Variants in RHBDD1 observed in about 807,000 individuals in gnomAD.
The protein encoded by RHBDD1 is rhomboid domain containing 1.
A neutral mutation model predicts 36.3 loss-of-function variants in RHBDD1; 38 were observed. The ratio of observed to expected loss-of-function variants is 1.05; its 90% CI spans 0.81 to 1.37. RHBDD1 has a LOEUF of 1.37. Ranked by LOEUF, RHBDD1 falls within the 40% of genes most tolerant of loss-of-function variation. The probability of loss-of-function intolerance (pLI) is 0.00; values close to 1 mark genes in which losing one functional copy is unlikely to be tolerated. For synonymous variants in RHBDD1, 151 were observed against 136.5 expected (o/e 1.11, Z -0.74); for missense variants, 393 against 377.6 (o/e 1.04, Z -0.34).
intron 5 of RHBDD1, among the ~76,000 whole-genome samples, chr2:226,867,850 C>G (rs976443891): frequency 3.3e-5 from 5 of 152,032 alleles, no homozygotes; most frequent in East Asian, 3.9e-4. Context: ...TCCCAAGTAG[C>G]TGGGATTACA....
intron 3 of RHBDD1, among the ~76,000 whole-genome samples, chr2:226,859,894 G>A (rs2125170722): frequency 6.6e-6 from 1 of 152,310 alleles, no homozygotes; most frequent in East Asian, 1.9e-4. Context: ...AATAGTTAGT[G>A]GCTATCAGAG....
intron 5 of RHBDD1, among the ~76,000 whole-genome samples, chr2:226,882,248 G>C (rs1945805090): frequency 6.6e-6 from 1 of 151,922 alleles, no homozygotes; most frequent in African/African-American, 2.4e-5. Context: ...TGGCCAACAT[G>C]GTGAAACCCC....
chr2:226,858,057 A>T (rs7560295), intron 3 of RHBDD1, among the ~76,000 whole-genome samples: 25,928 of 152,078 alleles, frequency 0.17, 3,363 homozygotes, highest in African/African-American at 0.36. Flanking sequence ...GATTTTTCAC[A>T]CACAAAAAAT....
At chr2:226,938,102 C>G (rs915682324) in intron 8 of RHBDD1, among the ~76,000 whole-genome samples, 1 of 152,050 alleles carries the variant, frequency 6.6e-6, no homozygotes, top group Admixed American at 6.6e-5. Context: ...TCGCCGGCAG[C>G]TGTTATTTTT....
chr2:226,922,094 CCTT>C (rs1949352777), intron 8 of RHBDD1, among the ~76,000 whole-genome samples: 1 of 151,632 alleles, frequency 6.6e-6, no homozygotes, highest in African/African-American at 2.4e-5. Context: ...AATATAATTA[CCTT>C]CTTTGTCTCT....
intron 8 of RHBDD1, among the ~76,000 whole-genome samples, chr2:226,915,017 C>T (rs1240610506): frequency 6.6e-6 from 1 of 152,044 alleles, no homozygotes; most frequent in Non-Finnish European, 1.5e-5. Context: ...GTTTCATGTA[C>T]AATGGTAGGT....
At chr2:226,980,083 G>T (rs1242677250) in intron 8 of RHBDD1, among the ~76,000 whole-genome samples, 1 of 152,190 alleles carries the variant, frequency 6.6e-6, no homozygotes, top group Non-Finnish European at 1.5e-5. Context: ...AGCCTGGAAA[G>T]GGGGTCATTA....
chr2:226,986,946 G>C (rs112588077), intron 8 of RHBDD1, among the ~76,000 whole-genome samples: 1 of 152,174 alleles, frequency 6.6e-6, no homozygotes, highest in African/African-American at 2.4e-5. Context: ...ATCAGTGATC[G>C]ACTGGATAAA....
upstream of RHBDD1, among the ~76,000 whole-genome samples, chr2:226,832,616 T>C (rs1028964760): frequency 6.6e-6 from 1 of 152,254 alleles, no homozygotes; most frequent in African/African-American, 2.4e-5. Flanking sequence ...TCAATCATTT[T>C]TGCTTCATGA....
At chr2:226,802,959 C>T in the RHBDD1 span, among the ~76,000 whole-genome samples, 1 of 152,176 alleles carries the variant, frequency 6.6e-6, no homozygotes, top group Admixed American at 6.5e-5. Context: ...TTACATATAT[C>T]TGTAAAGTGC....
intron 1 of RHBDD1, among the ~76,000 whole-genome samples, chr2:226,836,618 G>A (rs543168140): frequency 1.3e-5 from 2 of 152,266 alleles, no homozygotes; most frequent in East Asian, 3.9e-4. Context: ...ACAAGAAACG[G>A]ATCACAGCCT....
chr2:226,815,538 G>T, the RHBDD1 span, among the ~76,000 whole-genome samples: 2 of 152,066 alleles, frequency 1.3e-5, no homozygotes, highest in Non-Finnish European at 1.5e-5. Flanking sequence ...TAATATAAAA[G>T]TATTTTAGAC....
At chr2:226,818,163 T>G in the RHBDD1 span, among the ~76,000 whole-genome samples, 3 of 141,610 alleles carry the variant, frequency 2.1e-5, no homozygotes, top group Admixed American at 7.0e-5. Flanking sequence ...TTTTTTTTTT[T>G]TTTTTTTTTT....
intron 8 of RHBDD1, among the ~76,000 whole-genome samples, chr2:226,933,888 A>T (rs1486486145): frequency 6.6e-6 from 1 of 152,142 alleles, no homozygotes; most frequent in Non-Finnish European, 1.5e-5. Flanking sequence ...TTACATAAAG[A>T]GGATTTTTCC....
intron 3 of RHBDD1, among the ~76,000 whole-genome samples, chr2:226,845,314 T>C (rs1469697112): frequency 1.3e-5 from 2 of 152,244 alleles, no homozygotes; most frequent in African/African-American, 4.8e-5. Context: ...TCACAATTTG[T>C]GATTTTGTGT....
intron 8 of RHBDD1, among the ~76,000 whole-genome samples, chr2:226,936,356 A>G (rs150025745): frequency 2.0e-5 from 3 of 152,248 alleles, no homozygotes; most frequent in Admixed American, 1.3e-4. Flanking sequence ...TACTTTTTCA[A>G]ATCTATGAAA....
At chr2:226,808,071 CA>C in the RHBDD1 span, among the ~76,000 whole-genome samples, 1 of 151,362 alleles carries the variant, frequency 6.6e-6, no homozygotes, top group African/African-American at 2.4e-5. Context: ...GGGGGGAGGA[CA>C]GGGGTAGTGG....
chr2:226,843,236 C>T (rs1373565913), intron 3 of RHBDD1, among the ~76,000 whole-genome samples: 1 of 152,182 alleles, frequency 6.6e-6, no homozygotes, highest in African/African-American at 2.4e-5. Context: ...TTCACTTCCT[C>T]TCTTCCTATT....
chr2:226,853,697 G>A (rs1233916167), intron 3 of RHBDD1, among the ~76,000 whole-genome samples: 1 of 152,226 alleles, frequency 6.6e-6, no homozygotes, highest in African/African-American at 2.4e-5. Context: ...AAGATGTAAT[G>A]TGTGGGATGC....
Sources: gnomAD v4.1 joint callset for allele counts (sites outside exome capture counted in the v4.1 genomes callset) on GRCh38, gnomAD v4.1.1 for gene constraint, MANE v1.5 for transcripts, NCBI Gene and HGNC (gene_info 2026-07-23, HGNC 2026-07-21) for gene names.